The following ATP2A2 variants were observed in gnomAD, a reference collection of about 807,000 sequenced individuals.
ATP2A2 encodes sarcoplasmic/endoplasmic reticulum calcium ATPase 2.
In ATP2A2, 14 loss-of-function variants were observed where a neutral mutation model predicts 109.3. That is an observed-to-expected ratio of 0.13 (90% CI 0.08 to 0.20). The LOEUF (loss-of-function observed/expected upper bound fraction) is 0.20, where lower values mean the gene tolerates loss of function less well. ATP2A2 is among the 10% of genes least tolerant of loss of function. The pLI is 1.00. For synonymous variants in ATP2A2, 506 were observed against 490.9 expected, an observed-to-expected ratio of 1.03 and a Z score of -0.41; for missense variants, 657 against 1,321.6, an observed-to-expected ratio of 0.50 and a Z score of 7.80.
chr12:110,331,689 T>G (rs1264849006), intron 8 of ATP2A2: 2 of 152,218 alleles, frequency 1.3e-5, no homozygotes, highest in African/African-American at 4.8e-5. Context: ...CCTTAGAGAA[T>G]GATTTGATCA....
Position 110,350,437 on chromosome 12 carries a change from A to G in ATP2A2, c.*3967A>G, listed in dbSNP as rs1318975730. The G allele has an allele frequency of 4.8e-6, 7 of 1,445,648 alleles. No homozygotes were observed. Among genetic ancestry groups the G allele is most frequent in the Non-Finnish European group, 5.8e-6 (6 of 1,034,634 alleles). 89.6% of individuals were successfully genotyped at this position (1,445,648 alleles called of 1,614,324 possible). A position where few individuals can be genotyped will look rare whatever the true frequency, so the allele number is the denominator to read the frequency against. ...AGAAAAGTAAAAAACTTCCCAACTC[A>G]CTTTGTGTTATGTGGAGGAAATGTG... is the stretch of plus-strand genomic sequence containing the variant. On this transcript the variant is annotated 3_prime_UTR_variant, in exon 20 of 20. Coordinates refer to ENST00000539276, the MANE Select transcript of ATP2A2 (RefSeq NM_170665.4).
Position 110,327,512 on chromosome 12 carries a change from G to A in ATP2A2, c.631-41G>A, listed in dbSNP as rs773902750. ...CCAGCGTCGGTATTTAAGTTGGGATGTGGTATTCATCTTGTGACCAGTTCT... is the reference window on the plus strand; with the variant it reads ...CCAGCGTCGGTATTTAAGTTGGGATATGGTATTCATCTTGTGACCAGTTCT... On this transcript the variant is annotated intron_variant, in intron 7 of 19. Coordinates refer to ENST00000539276, the MANE Select transcript of ATP2A2 (RefSeq NM_170665.4). This position sits in a 1 kb window ranked among gnomAD's most constrained non-coding sequence, Gnocchi z 4.4. 6.4e-7 allele frequency: 1 copy of A among 1,572,876 alleles called. No individual in the cohort carries two copies. The highest frequency in any genetic ancestry group is 1.4e-5 in the African/African-American group (1 of 73,974).
chr12:110,344,777 A>G (rs1879681870), intron 16 of ATP2A2, 109 bp from the exon 17 acceptor site: 1 of 1,077,804 alleles, frequency 9.3e-7, no homozygotes, highest in Non-Finnish European at 1.4e-6. Context: ...GGTTACCATC[A>G]CTGTCCCATG....
intron 5 of ATP2A2, among the ~76,000 whole-genome samples, chr12:110,322,558 G>A (rs909307660): frequency 2.0e-5 from 3 of 152,116 alleles, no homozygotes; most frequent in Admixed American, 6.5e-5. Flanking sequence ...TTTAAAGGGG[G>A]CCATTTGCTT....
rs1024179786 is a variant in ATP2A2 at position 110,350,701 on chromosome 12, A to G, written c.*4231A>G. The G allele has an allele frequency of 7.7e-6, 2 of 261,318 alleles. No individual in the cohort carries two copies. The highest frequency in any genetic ancestry group is 1.0e-4 in the Admixed American group (2 of 20,032). The allele number at this position is 261,318 out of a possible 1,614,324, so 16.2% of individuals were successfully genotyped here. On this transcript the variant is annotated 3_prime_UTR_variant, in exon 20 of 20. Coordinates refer to ENST00000539276, the MANE Select transcript of ATP2A2 (RefSeq NM_170665.4). ...GTAATGCATGCCTTCGGTTGTAAGT[A>G]GCCAGATCCCTCTCCAGTGACATTG...
intron 5 of ATP2A2, among the ~76,000 whole-genome samples, chr12:110,318,069 C>G (rs2137789132): frequency 6.6e-6 from 1 of 152,330 alleles, no homozygotes; most frequent in African/African-American, 2.4e-5. Flanking sequence ...GCCCTAAGAG[C>G]ATTGACATGC....
upstream of ATP2A2, chr12:110,280,625 T>TG (rs1326587862): frequency 6.6e-6 from 1 of 152,236 alleles, no homozygotes; most frequent in African/African-American, 2.4e-5. Context: ...CAGAACCCGC[T>TG]GGGGAAGAAT....
At chr12:110,336,151 T>C (rs1423373861) in intron 11 of ATP2A2, among the ~76,000 whole-genome samples, 1 of 152,226 alleles carries the variant, frequency 6.6e-6, no homozygotes, top group Non-Finnish European at 1.5e-5. Flanking sequence ...CCTACCTGTC[T>C]GTCATCACCA....
At chr12:110,345,597 T>TA in intron 18 of ATP2A2, 1 of 764,046 alleles carries the variant, frequency 1.3e-6, no homozygotes, top group South Asian at 1.8e-5. Flanking sequence ...AGCTCTTCCT[T>TA]AAAAGAAACC....
intron 5 of ATP2A2, among the ~76,000 whole-genome samples, chr12:110,319,166 G>A (rs753593164): frequency 3.5e-5 from 5 of 141,654 alleles, no homozygotes; most frequent in Non-Finnish European, 1.5e-5. Context: ...CCGTGATCAC[G>A]CCAGTATACT....
chr12:110,331,815 A>G (rs1355351322), intron 8 of ATP2A2: 1 of 152,256 alleles, frequency 6.6e-6, no homozygotes, highest in Non-Finnish European at 1.5e-5. Flanking sequence ...CAATGAAAAC[A>G]CAAGCCTAAA....
intron 5 of ATP2A2, among the ~76,000 whole-genome samples, chr12:110,302,099 G>T (rs1393300299): frequency 6.6e-6 from 1 of 152,078 alleles, no homozygotes; most frequent in Admixed American, 6.6e-5. Flanking sequence ...TCAGTCTAAT[G>T]GGATTTTCCT....
At chr12:110,288,078 G>C (rs1208316919) in intron 3 of ATP2A2, among the ~76,000 whole-genome samples, 8 of 150,678 alleles carry the variant, frequency 5.3e-5, no homozygotes, top group Admixed American at 2.0e-4. Context: ...TGGGACTATA[G>C]GTGTGAGCCA....
chr12:110,328,862 T>A (rs1429122815), intron 8 of ATP2A2, among the ~76,000 whole-genome samples: 1 of 152,106 alleles, frequency 6.6e-6, no homozygotes, highest in Non-Finnish European at 1.5e-5. Flanking sequence ...ACCACCACAC[T>A]CAGCCTCCTT....
intron 8 of ATP2A2, chr12:110,329,399 A>G (rs922462967): frequency 6.5e-6 from 1 of 152,822 alleles, no homozygotes; most frequent in African/African-American, 2.4e-5. Flanking sequence ...TGTATTCATC[A>G]TATATATTTT....
intron 5 of ATP2A2, among the ~76,000 whole-genome samples, chr12:110,319,750 T>A (rs970842636): frequency 2.6e-5 from 4 of 151,532 alleles, no homozygotes; most frequent in Non-Finnish European, 5.9e-5. Flanking sequence ...GGTGTATCTA[T>A]TAGTGTTAGG....
intron 5 of ATP2A2, among the ~76,000 whole-genome samples, chr12:110,309,139 A>G (rs1314746574): frequency 2.1e-5 from 2 of 95,030 alleles, no homozygotes; most frequent in East Asian, 6.6e-4. Context: ...TAAGGAAACT[A>G]ATTTTTTTTT....
At chr12:110,304,614 G>T (rs896922559) in intron 5 of ATP2A2, among the ~76,000 whole-genome samples, 13 of 152,108 alleles carry the variant, frequency 8.5e-5, no homozygotes, top group African/African-American at 3.1e-4. Flanking sequence ...TAGGTTATTT[G>T]TCTTTTTAAT....
In ATP2A2 at chr12:110,296,612, A is replaced by C; in HGVS notation, c.338A>C (p.Glu113Ala). ...IVGVWQERNAENAIEALKEYE... is the reference protein window; with the variant it reads ...IVGVWQERNAANAIEALKEYE... The stretch of plus-strand genomic sequence containing the variant: ...TCTTTTATACAGGAAAGAAATGCTG[A>C]AAATGCCATCGAAGCCCTTAAGGAA... Residue 113 changes from glutamate to alanine, a missense_variant, in exon 5 of 20, where the codon GAA (glutamate) becomes GCA (alanine). Transcript: ENST00000539276. 2 of 1,614,172 alleles carry C rather than the reference A, an allele frequency of 1.2e-6. No individual in the cohort carries two copies. The highest frequency in any genetic ancestry group is 1.7e-6 in the Non-Finnish European group (2 of 1,180,012).
Sources: allele counts gnomAD v4.1 joint callset (sites outside exome capture counted in the v4.1 genomes callset), GRCh38; gene constraint gnomAD v4.1.1; non-coding constraint Gnocchi (gnomAD v3.1); transcripts MANE v1.5; gene names NCBI Gene and HGNC (gene_info 2026-07-23, HGNC 2026-07-21).